CTBP2: variants seen among roughly 807,000 people sequenced by gnomAD.
CTBP2 encodes the protein C-terminal binding protein 2, also known as C-terminal-binding protein 2.
A neutral mutation model predicts 80.3 loss-of-function variants in CTBP2; 30 were observed. That is an observed-to-expected ratio of 0.37 (90% CI 0.28 to 0.51). The LOEUF (loss-of-function observed/expected upper bound fraction) is 0.51, where lower values mean the gene tolerates loss of function less well. Among genes scored for constraint, CTBP2 ranks in the 20% least tolerant of loss-of-function variants. The pLI is 0.93. For missense variants in CTBP2, 1,212 were observed against 1,375.3 expected (o/e 0.88, Z 1.88); for synonymous variants, 594 against 587.4 (o/e 1.01, Z -0.16).
In CTBP2 at chr10:125,134,468, G is replaced by C. The variant is rs533010855; in HGVS notation, c.-205-23375C>G. Among the ~76,000 whole-genome samples, 139 of 152,250 alleles carry C rather than the reference G, an allele frequency of 9.1e-4. 1 individual carries two copies. Among genetic ancestry groups the C allele is most frequent in the African/African-American group, 3.2e-3 (131 of 41,556 alleles). On this transcript the variant is annotated intron_variant, in intron 1 of 10. Transcript: ENST00000337195. ...GCTTCCTGGCCCTCTGCTTCAACCA[G>C]GGGAGTTCACAGCAAAGTTCTTGTT...
At position 125,035,128 on chromosome 10, in the gene CTBP2, C is replaced by T. The variant is rs1049915833; in HGVS notation, c.58+3869G>A. Among the ~76,000 whole-genome samples the T allele has an allele frequency of 4.8e-4, 73 of 152,162 alleles. 1 individual carries two copies. Among genetic ancestry groups the T allele is most frequent in the Non-Finnish European group, 2.1e-4 (14 of 68,038 alleles). On this transcript the variant is annotated intron_variant, in intron 3 of 10. Coordinates refer to the CTBP2 transcript ENST00000337195. Reference sequence around the variant, plus strand: ...GGGAAACTCCCTTCCACCTCATCCCCGGCAGCATCTTCTCAGACTTCTCAT... The same window carrying T: ...GGGAAACTCCCTTCCACCTCATCCCTGGCAGCATCTTCTCAGACTTCTCAT...
chr10:125,148,444 G>A (rs1027986418), intron 1 of CTBP2, among the ~76,000 whole-genome samples: 4 of 152,208 alleles, frequency 2.6e-5, no homozygotes, highest in Admixed American at 6.5e-5. Flanking sequence ...CTTGCCCGCT[G>A]CTCTAGAAAA....
chr10:125,005,417 C>T (rs1322805768), intron 1 of CTBP2: 1 of 877,420 alleles, frequency 1.1e-6, no homozygotes. Flanking sequence ...CTGCTGCTGC[C>T]CCGACACCCA....
rs1300380312 is a variant in CTBP2, at chr10:125,018,252, C to T, written c.1678+7830G>A. Among the ~76,000 whole-genome samples, 4 of 152,328 alleles carry T rather than the reference C, an allele frequency of 2.6e-5. No individual in the cohort carries two copies. In the East Asian group the frequency reaches 7.7e-4, roughly 29 times the overall value. Reference sequence around the variant, plus strand: ...CAAATGCTCCACAATAGGCCAGGTGCAGTGGCTCACGCCTGTAATCCCAAC... The same window carrying T: ...CAAATGCTCCACAATAGGCCAGGTGTAGTGGCTCACGCCTGTAATCCCAAC... On this transcript the variant is annotated intron_variant, in intron 1 of 8. Coordinates refer to ENST00000309035, the MANE Select transcript of CTBP2 (RefSeq NM_022802.3).
chr10:125,083,475 C>T (rs993624653), intron 2 of CTBP2, among the ~76,000 whole-genome samples: 4 of 152,152 alleles, frequency 2.6e-5, no homozygotes, highest in Admixed American at 6.5e-5. Context: ...GCGAGGATAC[C>T]GCCCTCTGAG....
intron 1 of CTBP2, among the ~76,000 whole-genome samples, chr10:125,126,663 GCTA>G (rs1855312519): frequency 6.6e-6 from 1 of 152,238 alleles, no homozygotes; most frequent in East Asian, 1.9e-4. Context: ...CCCCAGAGAA[GCTA>G]CTATCTGCTC....
At chr10:125,059,319 G>A (rs551218153) in intron 2 of CTBP2, among the ~76,000 whole-genome samples, 7 of 152,114 alleles carry the variant, frequency 4.6e-5, no homozygotes, top group East Asian at 1.9e-4. Flanking sequence ...GGTGTTTCAC[G>A]CTTGGAATCC....
At chr10:125,105,574 A>C (rs1469583820) in intron 2 of CTBP2, among the ~76,000 whole-genome samples, 9 of 152,190 alleles carry the variant, frequency 5.9e-5, no homozygotes, top group Admixed American at 5.9e-4. Flanking sequence ...AGTTGAAACT[A>C]ATGCCCCTTT....
intron 1 of CTBP2, among the ~76,000 whole-genome samples, chr10:125,121,006 C>T (rs564532332): frequency 1.1e-4 from 16 of 152,370 alleles, no homozygotes; most frequent in Middle Eastern, 3.4e-3. Context: ...TTGCAAAAGG[C>T]ATTACATAAA....
At chr10:125,056,898 A>G (rs906615907) in intron 2 of CTBP2, among the ~76,000 whole-genome samples, 1 of 152,240 alleles carries the variant, frequency 6.6e-6, no homozygotes, top group Non-Finnish European at 1.5e-5. Context: ...ATGTATCCAC[A>G]GGCAGAGCTC....
chr10:125,027,142 G>C lies in CTBP2; in HGVS notation c.618C>G (p.Pro206=), dbSNP rs367634794. The change falls in exon 1 of 9, where the codon CCC becomes CCG. Residue 206 remains proline, a synonymous_variant. Transcript: ENST00000309035. Reference sequence around the variant, plus strand: ...TGATGTCGCTGAAGACCTGGCTGAGGGGGTAGGCAGGCACCTCCGCCCCAT... The same window carrying C: ...TGATGTCGCTGAAGACCTGGCTGAGCGGGTAGGCAGGCACCTCCGCCCCAT... The C allele has an allele frequency of 1.9e-6, 3 of 1,604,398 alleles. No homozygotes were observed. The highest frequency in any genetic ancestry group is 1.3e-5 in the African/African-American group (1 of 74,844).
At chr10:125,038,555 AG>A (rs1386068407) in intron 3 of CTBP2, among the ~76,000 whole-genome samples, 13 of 152,222 alleles carry the variant, frequency 8.5e-5, no homozygotes, top group African/African-American at 2.9e-4. Context: ...CAAAGATACC[AG>A]GGACATGAAC....
intron 2 of CTBP2, among the ~76,000 whole-genome samples, chr10:125,050,884 A>AT (rs1459775344): frequency 2.0e-5 from 3 of 152,342 alleles, no homozygotes; most frequent in African/African-American, 7.2e-5. Flanking sequence ...CAACCTTGTC[A>AT]TAATGAACTG....
chr10:125,050,102 C>T (rs893716641), intron 2 of CTBP2, among the ~76,000 whole-genome samples: 3 of 152,208 alleles, frequency 2.0e-5, no homozygotes, highest in Non-Finnish European at 4.4e-5. Context: ...AGAGCCAACT[C>T]AGACCTCAGG....
At chr10:125,032,028 A>G (rs557636641), upstream of CTBP2, among the ~76,000 whole-genome samples, 19 of 152,254 alleles carry the variant, frequency 1.2e-4, no homozygotes, top group Admixed American at 9.1e-4. Flanking sequence ...TATGAAAATT[A>G]GACCACTCAT....
intron 1 of CTBP2, among the ~76,000 whole-genome samples, chr10:125,003,844 C>T (rs1036300328): frequency 3.0e-4 from 44 of 146,478 alleles, no homozygotes; most frequent in African/African-American, 1.1e-3. Flanking sequence ...CACCAGCTGC[C>T]CCTCACACAC....
At chr10:125,055,549 C>T (rs776739590) in intron 2 of CTBP2, among the ~76,000 whole-genome samples, 5 of 152,220 alleles carry the variant, frequency 3.3e-5, no homozygotes, top group Non-Finnish European at 5.9e-5. Context: ...GTACATCTCC[C>T]GCTCCCCCAG....
At chr10:125,143,209 CGGGTGTGTT>C (rs1252166925) in intron 1 of CTBP2, among the ~76,000 whole-genome samples, 3 of 152,110 alleles carry the variant, frequency 2.0e-5, no homozygotes, top group Non-Finnish European at 4.4e-5. Context: ...CTCAGCCGGC[CGGGTGTGTT>C]GGCTCACACC....
intron 2 of CTBP2, among the ~76,000 whole-genome samples, chr10:125,049,784 C>T (rs1419350291): frequency 2.0e-5 from 3 of 152,144 alleles, no homozygotes; most frequent in African/African-American, 7.2e-5. Context: ...TCCAAAGGGG[C>T]CCACCTGCTG....
Sources: allele counts gnomAD v4.1 joint callset (sites outside exome capture counted in the v4.1 genomes callset), GRCh38; gene constraint gnomAD v4.1.1; transcripts MANE v1.5; gene names NCBI Gene and HGNC (gene_info 2026-07-23, HGNC 2026-07-21).